POM121C: variants seen among roughly 807,000 people sequenced by gnomAD.
POM121C encodes the protein nuclear envelope pore membrane protein POM 121C.
In POM121C, 20 loss-of-function variants were observed where a neutral mutation model predicts 66.4. That is an observed-to-expected ratio of 0.30 (90% CI 0.21 to 0.44). POM121C has a LOEUF of 0.44. Ranked by LOEUF, POM121C falls within the 20% of genes least tolerant of loss-of-function variation. POM121C has a pLI of 1.00. For synonymous variants in POM121C, 286 were observed against 528.0 expected, an observed-to-expected ratio of 0.54 and a Z score of 6.28; for missense variants, 580 against 1,225.7, an observed-to-expected ratio of 0.47 and a Z score of 7.87.
intron 3 of POM121C, among the ~76,000 whole-genome samples, chr7:75,451,015 A>G (rs1466729630): frequency 6.6e-6 from 1 of 152,146 alleles, no homozygotes; most frequent in Non-Finnish European, 1.5e-5. Context: ...ACCACTGCTC[A>G]AGGAAATAAG....
intron 5 of POM121C, 28 bp downstream of exon 5, chr7:75,440,926 T>C (rs1563144826): frequency 6.2e-7 from 1 of 1,613,974 alleles, no homozygotes; most frequent in South Asian, 1.1e-5. Flanking sequence ...AGCGGGAAAC[T>C]GGCTTAGTAC....
chr7:75,479,414 G>A (rs587759400), intron 1 of POM121C, among the ~76,000 whole-genome samples: 14 of 151,990 alleles, frequency 9.2e-5, no homozygotes, highest in South Asian at 2.1e-4. Context: ...TCAGGAGTTC[G>A]AGACCAGCCT....
chr7:75,468,265 C>CATCCCGT (rs1373504970), intron 3 of POM121C, among the ~76,000 whole-genome samples: 2 of 150,884 alleles, frequency 1.3e-5, no homozygotes, highest in East Asian at 3.9e-4. Context: ...CCAGGTATCT[C>CATCCCGT]ATCCCGTTTC....
intron 5 of POM121C, among the ~76,000 whole-genome samples, chr7:75,439,533 G>A (rs1790547807): frequency 6.6e-6 from 1 of 152,088 alleles, no homozygotes; most frequent in Middle Eastern, 3.2e-3. Flanking sequence ...CTACAAGTAT[G>A]CACCACCACA....
At position 75,476,620 on chromosome 7, in the gene POM121C, G is replaced by T. The variant is rs374497136; in HGVS notation, c.-457-1432C>A. 1.2e-4 allele frequency among the ~76,000 whole-genome samples: 19 copies of T among 152,098 alleles called. No homozygotes were observed. The East Asian group carries it at 1.7e-3, about 14-fold the overall frequency. ...GGCCAAAGGAGCTGATAAAATCACC[G>T]AGAGAGAGTAATAACTTTCTGGGTT... On this transcript the variant is annotated intron_variant, in intron 1 of 14. Transcript: ENST00000615331.
intron 1 of POM121C, among the ~76,000 whole-genome samples, chr7:75,484,917 G>A (rs1261229645): frequency 6.6e-6 from 1 of 150,882 alleles, no homozygotes; most frequent in Admixed American, 6.6e-5. Flanking sequence ...GTGCATTCAC[G>A]GCTCTCTGCA....
chr7:75,437,124 A>G (rs1351317774), intron 7 of POM121C, among the ~76,000 whole-genome samples: 1 of 152,206 alleles, frequency 6.6e-6, no homozygotes, highest in African/African-American at 2.4e-5. Context: ...CCGTTTATCT[A>G]CATCACAGCT....
intron 6 of POM121C, among the ~76,000 whole-genome samples, chr7:75,438,852 T>C (rs1790518505): frequency 6.6e-6 from 1 of 152,264 alleles, no homozygotes; most frequent in Non-Finnish European, 1.5e-5. Flanking sequence ...CATACTGTCT[T>C]ATCCGCTGCA....
intron 13 of POM121C, chr7:75,420,054 A>C (rs1403670029): frequency 1.3e-5 from 2 of 152,610 alleles, no homozygotes; most frequent in African/African-American, 4.8e-5. Context: ...CTCAGGTTCA[A>C]ATCACTTTAA....
intron 13 of POM121C, chr7:75,421,067 T>C (rs1789686896): frequency 3.4e-6 from 1 of 289,880 alleles, no homozygotes; most frequent in South Asian, 3.2e-5. Context: ...CTCCACCTCC[T>C]GGGTTGAAAC....
intron 7 of POM121C, among the ~76,000 whole-genome samples, chr7:75,429,690 T>C (rs1363194667): frequency 6.6e-6 from 1 of 151,070 alleles, no homozygotes; most frequent in Non-Finnish European, 1.5e-5. Flanking sequence ...AAGTAAAACT[T>C]CTACAGAGAT....
intron 3 of POM121C, chr7:75,442,684 C>A: frequency 7.1e-7 from 1 of 1,418,278 alleles, no homozygotes; most frequent in South Asian, 1.5e-5. Context: ...GCCGCCGCCG[C>A]TCGCCTGCTC....
At chr7:75,467,649 TC>T in intron 3 of POM121C, among the ~76,000 whole-genome samples, 1 of 152,224 alleles carries the variant, frequency 6.6e-6, no homozygotes, top group Non-Finnish European at 1.5e-5. Flanking sequence ...CTCTGACATT[TC>T]CCATGGCAGT....
Position 75,437,552 on chromosome 7 carries a change from A to G in POM121C, c.443T>C (p.Ile148Thr). 6.2e-7 allele frequency: 1 copy of G among 1,613,930 alleles called. No homozygotes were observed. The highest frequency in any genetic ancestry group is 8.5e-7 in the Non-Finnish European group (1 of 1,179,838). ...TCGAGTGGAGCTGTAGGAACTGGTA[A>G]TGGCATTGCGGCTGGAGCTAGGGAT... ...SGIPSSSRNA[I>T]TSSYSSTRGI... Residue 148 changes from isoleucine (I) to threonine (T), a missense_variant, in exon 7 of 15, where the codon ATT (isoleucine) becomes ACT (threonine). Ile to Thr is a moderately conservative substitution (Grantham distance 89, BLOSUM62 -1). Coordinates refer to ENST00000615331, the MANE Select transcript of POM121C (RefSeq NM_001099415.3).
In POM121C at chr7:75,429,610, G is replaced by A. The variant is rs587683637; in HGVS notation, c.481-3157C>T. On this transcript the variant is annotated intron_variant, in intron 7 of 14. Transcript: ENST00000615331. ...TGTGCCACTGCACTCCAGCCTGGGC[G>A]ACAGAGCGAGACTCCATCTCACAAA... Among the ~76,000 whole-genome samples, 44 of 150,452 alleles carry A rather than the reference G, an allele frequency of 2.9e-4. No homozygotes were observed. The South Asian group carries it at 8.5e-3, about 29-fold the overall frequency.
At chr7:75,479,069 T>C (rs1167741479) in intron 1 of POM121C, among the ~76,000 whole-genome samples, 2 of 151,822 alleles carry the variant, frequency 1.3e-5, no homozygotes, top group Admixed American at 6.6e-5. Context: ...GAAAAAAATG[T>C]AAGCAGGAAG....
intron 1 of POM121C, among the ~76,000 whole-genome samples, chr7:75,476,175 C>G (rs1792067670): frequency 1.3e-5 from 2 of 152,084 alleles, no homozygotes; most frequent in East Asian, 3.9e-4. Context: ...CCTGTAGTTC[C>G]AGCTACTTGG....
At chr7:75,439,770 G>A (rs1790560571) in intron 5 of POM121C, among the ~76,000 whole-genome samples, 2 of 152,042 alleles carry the variant, frequency 1.3e-5, no homozygotes, top group African/African-American at 4.8e-5. Flanking sequence ...CTTGCAGTAG[G>A]GTCTCATACA....
intron 7 of POM121C, among the ~76,000 whole-genome samples, chr7:75,433,311 T>C (rs1200084981): frequency 2.0e-5 from 3 of 151,466 alleles, no homozygotes; most frequent in Non-Finnish European, 2.9e-5. Context: ...TACCAGTTTC[T>C]AATATATCCT....
Sources: allele counts gnomAD v4.1 joint callset (sites outside exome capture counted in the v4.1 genomes callset), GRCh38; gene constraint gnomAD v4.1.1; transcripts MANE v1.5; gene names NCBI Gene and HGNC (gene_info 2026-07-23, HGNC 2026-07-21).